The following RIC1 variants were observed in gnomAD, a reference collection of about 807,000 sequenced individuals.
RIC1 encodes the protein RIC1 partner of RAB6A GEF complex.
Under a neutral mutation model 169.0 loss-of-function variants are expected in RIC1, and 88 were observed. That is an observed-to-expected ratio of 0.52 (90% CI 0.44 to 0.62). The LOEUF is 0.62. RIC1 is among the 20% of genes least tolerant of loss of function. RIC1 has a pLI of 0.00. For synonymous variants in RIC1, 790 were observed against 601.5 expected (o/e 1.31, Z -4.59); for missense variants, 1,877 against 1,725.5 (o/e 1.09, Z -1.56).
chr9:5,742,753 T>A lies in RIC1; in HGVS notation c.902-116T>A. On this transcript the variant is annotated intron_variant, in intron 8 of 25. Coordinates refer to ENST00000414202, the MANE Select transcript of RIC1 (RefSeq NM_020829.4). The stretch of plus-strand genomic sequence containing the variant: ...GACCAGGATTTATTTTTGGAAGCAG[T>A]CATACCTTTCTACTCATTTAGATTT... The A allele has an allele frequency of 2.6e-5, 24 of 907,294 alleles. No homozygotes were observed. The Admixed American group carries it at 3.0e-4, about 11-fold the overall frequency. The allele number at this position is 907,294 out of a possible 1,614,324, so 56.2% of individuals were successfully genotyped here. A position where few individuals can be genotyped will look rare whatever the true frequency, so the allele number is the denominator to read the frequency against.
intron 2 of RIC1, among the ~76,000 whole-genome samples, chr9:5,688,073 A>C (rs1821360808): frequency 6.6e-6 from 1 of 152,214 alleles, no homozygotes; most frequent in Admixed American, 6.5e-5. Flanking sequence ...TATATTGCCT[A>C]ACCTTTGGAA....
At chr9:5,730,395 G>T (rs1454148899) in intron 6 of RIC1, among the ~76,000 whole-genome samples, 1 of 152,134 alleles carries the variant, frequency 6.6e-6, no homozygotes, top group Non-Finnish European at 1.5e-5. Context: ...GAACAAATTA[G>T]GCTATATGCA....
chr9:5,687,713 C>T (rs1290298672), intron 2 of RIC1, among the ~76,000 whole-genome samples: 1 of 152,112 alleles, frequency 6.6e-6, no homozygotes, highest in Non-Finnish European at 1.5e-5. Context: ...ACGGTATAAA[C>T]CCCAGCATAC....
intron 1 of RIC1, among the ~76,000 whole-genome samples, chr9:5,641,346 C>T (rs1188360970): frequency 2.0e-5 from 3 of 152,148 alleles, no homozygotes; most frequent in Non-Finnish European, 2.9e-5. Flanking sequence ...CCGCCTCGGC[C>T]TCCCAAAGTG....
intron 3 of RIC1, among the ~76,000 whole-genome samples, chr9:5,697,300 T>C (rs1014081057): frequency 6.6e-5 from 10 of 152,232 alleles, no homozygotes; most frequent in African/African-American, 2.4e-4. Context: ...CTTAAGAGGT[T>C]AGATGGTGAC....
chr9:5,692,688 C>T (rs1821657118), intron 3 of RIC1, among the ~76,000 whole-genome samples: 1 of 151,936 alleles, frequency 6.6e-6, no homozygotes, highest in African/African-American at 2.4e-5. Context: ...ATAAAAATAA[C>T]TTCTTTCATT....
In RIC1 at chr9:5,763,476, T is replaced by C; in HGVS notation, c.2449T>C (p.Phe817Leu). ...AREQLEVLFP[F>L]CVVERTSQIY... The stretch of plus-strand genomic sequence containing the variant: ...AGAACAGCTGGAGGTGCTCTTCCCT[T>C]TCTGTGTTGTGGAGAGAACCTCTCA... Residue 817 changes from phenylalanine (F) to leucine (L), a missense_variant, in exon 19 of 26, where the codon TTC becomes CTC. Physicochemically the swap from Phe to Leu is conservative, Grantham distance 22 (BLOSUM62 0). Transcript: ENST00000414202. This position sits in a 1 kb window ranked among gnomAD's most constrained non-coding sequence, Gnocchi z 5.2. The C allele has an allele frequency of 6.2e-7, 1 of 1,614,198 alleles. No individual in the cohort carries two copies.
At chr9:5,672,274 T>C (rs895527694) in intron 2 of RIC1, among the ~76,000 whole-genome samples, 1 of 152,214 alleles carries the variant, frequency 6.6e-6, no homozygotes, top group African/African-American at 2.4e-5. Context: ...GCTCATTAAC[T>C]TTACGATGTA....
intron 2 of RIC1, among the ~76,000 whole-genome samples, chr9:5,665,907 G>A (rs1819723152): frequency 6.6e-6 from 1 of 152,176 alleles, no homozygotes; most frequent in South Asian, 2.1e-4. Flanking sequence ...CACCCAGTCA[G>A]GAGGAACGGG....
At chr9:5,777,877 T>C (rs1180273901), downstream of RIC1, among the ~76,000 whole-genome samples, 1 of 152,192 alleles carries the variant, frequency 6.6e-6, no homozygotes, top group Non-Finnish European at 1.5e-5. Flanking sequence ...TGTTGCTTTG[T>C]AGGAAATTTT....
At chr9:5,668,812 T>G (rs1819931632) in intron 2 of RIC1, among the ~76,000 whole-genome samples, 1 of 152,164 alleles carries the variant, frequency 6.6e-6, no homozygotes, top group African/African-American at 2.4e-5. Context: ...TTTTTGCCCA[T>G]GGTCTCCTTT....
intron 3 of RIC1, chr9:5,713,606 T>G: frequency 4.3e-6 from 1 of 230,120 alleles, no homozygotes; most frequent in South Asian, 7.6e-5. Context: ...GCCTGTTGGT[T>G]CTCTTTAGAG....
chr9:5,738,547 T>TTC lies in RIC1; in HGVS notation c.901+10_901+11insCT. Reference sequence around the variant, plus strand: ...AGCAAAACAGTATCCTGGTGAGTCTTTTTTTTTTTTTTTTTTTTTAACATT... The same window carrying TTC: ...AGCAAAACAGTATCCTGGTGAGTCTTTCTTTTTTTTTTTTTTTTTTTAACATT... On this transcript the variant is annotated intron_variant, in intron 8 of 25. Transcript: ENST00000414202. The TTC allele has an allele frequency of 3.4e-6, 2 of 590,922 alleles. No homozygotes were observed. Among genetic ancestry groups the TTC allele is most frequent in the Non-Finnish European group, 4.6e-6 (2 of 432,980 alleles). The allele number at this position is 590,922 out of a possible 1,614,324, so 36.6% of individuals were successfully genotyped here.
intron 2 of RIC1, among the ~76,000 whole-genome samples, chr9:5,662,365 C>G (rs961563991): frequency 2.6e-5 from 4 of 151,996 alleles, no homozygotes; most frequent in African/African-American, 9.7e-5. Flanking sequence ...AAGGAGGAAT[C>G]CCTAATTTTC....
At chr9:5,717,475 T>C (rs1218170379) in intron 4 of RIC1, among the ~76,000 whole-genome samples, 1 of 152,160 alleles carries the variant, frequency 6.6e-6, no homozygotes, top group Non-Finnish European at 1.5e-5. Flanking sequence ...GATTCTGGAA[T>C]TAATGCAAGC....
rs537483642 is a variant in RIC1, at chr9:5,665,583, C to T, written c.252+8893C>T. On this transcript the variant is annotated intron_variant, in intron 2 of 25. Coordinates refer to ENST00000414202, the MANE Select transcript of RIC1 (RefSeq NM_020829.4). ...TTTCTTATCTTTGTGGGCTTATCTG[C>T]CTTTGATCTTTGAGGTTGCTGACCT... Among the ~76,000 whole-genome samples the T allele has an allele frequency of 2.0e-4, 31 of 152,178 alleles. No individual in the cohort carries two copies. The South Asian group carries it at 4.1e-3, about 20-fold the overall frequency.
chr9:5,683,246 T>C (rs1387047601), intron 2 of RIC1, among the ~76,000 whole-genome samples: 1 of 152,238 alleles, frequency 6.6e-6, no homozygotes, highest in Non-Finnish European at 1.5e-5. Context: ...TTCCGGTTTT[T>C]CTGCTCTGTT....
intron 6 of RIC1, among the ~76,000 whole-genome samples, chr9:5,721,536 G>A (rs1399903630): frequency 6.6e-6 from 1 of 152,162 alleles, no homozygotes; most frequent in Non-Finnish European, 1.5e-5. Context: ...GCGCTTGTGG[G>A]CATTATTCAG....
chr9:5,778,168 G>T (rs1157818209), downstream of RIC1, among the ~76,000 whole-genome samples: 1 of 152,114 alleles, frequency 6.6e-6, no homozygotes, highest in Non-Finnish European at 1.5e-5. Flanking sequence ...ACTTTTGTTA[G>T]ATTTATTTCT....
Sources: gnomAD v4.1 joint callset for allele counts (sites outside exome capture counted in the v4.1 genomes callset) on GRCh38, gnomAD v4.1.1 for gene constraint, Gnocchi (gnomAD v3.1) non-coding constraint, MANE v1.5 for transcripts, NCBI Gene and HGNC (gene_info 2026-07-23, HGNC 2026-07-21) for gene names.